CYP7B1: variants seen among roughly 807,000 people sequenced by gnomAD.
CYP7B1 encodes cytochrome P450 family 7 subfamily B member 1, also known as cytochrome P450 7B1.
Under a neutral mutation model 42.7 loss-of-function variants are expected in CYP7B1, and 29 were observed. That is an observed-to-expected ratio of 0.68 (90% CI 0.51 to 0.93). CYP7B1 has a LOEUF of 0.93. Ranked by LOEUF, CYP7B1 falls within the 40% of genes least tolerant of loss-of-function variation. The pLI is 0.00. For missense variants in CYP7B1, 655 were observed against 600.5 expected (o/e 1.09, Z -0.95); for synonymous variants, 235 against 218.2 (o/e 1.08, Z -0.68).
intron 4 of CYP7B1, among the ~76,000 whole-genome samples, chr8:64,606,544 C>T (rs557631561): frequency 1.8e-4 from 28 of 152,160 alleles, no homozygotes; most frequent in Admixed American, 5.2e-4. Flanking sequence ...TATAACAGTC[C>T]GAATAACATG....
intron 1 of CYP7B1, among the ~76,000 whole-genome samples, chr8:64,790,410 C>A (rs576024533): frequency 2.3e-4 from 35 of 152,250 alleles, no homozygotes; most frequent in African/African-American, 8.2e-4. Flanking sequence ...AGGAAAAAAT[C>A]TGAAACTCAT....
chr8:64,743,803 G>A (rs1807604139), intron 1 of CYP7B1, among the ~76,000 whole-genome samples: 2 of 152,098 alleles, frequency 1.3e-5, no homozygotes, highest in Non-Finnish European at 2.9e-5. Context: ...ACAAAATACA[G>A]CCCCTAATAC....
chr8:64,697,797 A>C (rs931431243), intron 1 of CYP7B1, among the ~76,000 whole-genome samples: 33 of 152,192 alleles, frequency 2.2e-4, no homozygotes, highest in Admixed American at 8.5e-4. Flanking sequence ...CCACTGATAG[A>C]AATGTCAGAA....
chr8:64,628,596 C>T (rs980180265), intron 1 of CYP7B1, among the ~76,000 whole-genome samples: 3 of 151,820 alleles, frequency 2.0e-5, no homozygotes, highest in Non-Finnish European at 4.4e-5. Flanking sequence ...TGCAGTGAGC[C>T]AAGATCGCAC....
intron 1 of CYP7B1, among the ~76,000 whole-genome samples, chr8:64,769,983 A>T (rs1382480994): frequency 6.6e-6 from 1 of 152,136 alleles, no homozygotes; most frequent in Non-Finnish European, 1.5e-5. Context: ...AGTTCTTACC[A>T]TCCTTCTTTA....
chr8:64,718,025 G>A (rs756215872), intron 1 of CYP7B1, among the ~76,000 whole-genome samples: 18 of 151,544 alleles, frequency 1.2e-4, no homozygotes, highest in Admixed American at 1.3e-4. Flanking sequence ...ATACAGTCAC[G>A]AGTTCATATA....
chr8:64,620,013 C>T (rs1805503276), intron 2 of CYP7B1, among the ~76,000 whole-genome samples: 1 of 152,016 alleles, frequency 6.6e-6, no homozygotes, highest in South Asian at 2.1e-4. Context: ...GAGACCCCAC[C>T]TCTGCAAAAA....
chr8:64,617,611 C>T (rs1417925298), intron 2 of CYP7B1, among the ~76,000 whole-genome samples: 2 of 152,006 alleles, frequency 1.3e-5, no homozygotes, highest in African/African-American at 2.4e-5. Flanking sequence ...CAGGCATAAA[C>T]TTTAGATGAT....
chr8:64,719,118 A>G (rs1393849608), intron 1 of CYP7B1, among the ~76,000 whole-genome samples: 1 of 152,238 alleles, frequency 6.6e-6, no homozygotes, highest in African/African-American at 2.4e-5. Context: ...ATTTAGAATA[A>G]TAAAAATTTG....
At chr8:64,628,944 G>A (rs752617264) in intron 1 of CYP7B1, among the ~76,000 whole-genome samples, 3 of 151,920 alleles carry the variant, frequency 2.0e-5, no homozygotes, top group South Asian at 2.1e-4. Flanking sequence ...AAAGCCCATC[G>A]CTGCCGGGCA....
intron 1 of CYP7B1, chr8:64,728,055 T>C (rs1386990798): frequency 6.6e-6 from 1 of 152,234 alleles, no homozygotes; most frequent in Non-Finnish European, 1.5e-5. Flanking sequence ...TAGCATGCAG[T>C]ACCTGCTGTG....
At chr8:64,602,604 TGAGG>T (rs1190872708) in intron 5 of CYP7B1, among the ~76,000 whole-genome samples, 3 of 152,194 alleles carry the variant, frequency 2.0e-5, no homozygotes, top group African/African-American at 7.2e-5. Flanking sequence ...TATCAACATC[TGAGG>T]CTTGATCTTC....
rs143804786 is a variant in CYP7B1, at chr8:64,677,011, C to T, written c.123-52472G>A. Among the ~76,000 whole-genome samples the T allele has an allele frequency of 8.1e-3, 1,231 of 152,038 alleles. 8 individuals are homozygous for T. Among genetic ancestry groups the T allele is most frequent in the South Asian group, 0.025 (122 of 4,822 alleles). ...GAACCGACATTTGGGGGCTTTTGTT[C>T]TAATGTAAAAGGCAACACATTATGA... On this transcript the variant is annotated intron_variant, in intron 1 of 5. Coordinates refer to ENST00000310193, the MANE Select transcript of CYP7B1 (RefSeq NM_004820.5).
chr8:64,756,981 A>T (rs1325137919), intron 1 of CYP7B1, among the ~76,000 whole-genome samples: 1 of 152,188 alleles, frequency 6.6e-6, no homozygotes, highest in Non-Finnish European at 1.5e-5. Flanking sequence ...TCCAGCACTT[A>T]TTGTGGAGAC....
At chr8:64,667,314 G>T (rs4549814) in intron 1 of CYP7B1, among the ~76,000 whole-genome samples, 75,664 of 151,878 alleles carry the variant, frequency 0.5, 20,214 homozygotes, top group Non-Finnish European at 0.58. Flanking sequence ...TCCCTCGGGG[G>T]GCTCATCCAC....
At chr8:64,762,974 C>T (rs1807911652) in intron 1 of CYP7B1, among the ~76,000 whole-genome samples, 1 of 151,972 alleles carries the variant, frequency 6.6e-6, no homozygotes, top group South Asian at 2.1e-4. Flanking sequence ...CCTTTGGGTC[C>T]CCTCCCACTG....
chr8:64,624,683 T>C (rs975905347), intron 1 of CYP7B1, 144 bp from the exon 2 acceptor site: 26 of 962,330 alleles, frequency 2.7e-5, no homozygotes, highest in Non-Finnish European at 3.4e-5. Context: ...GTGATTCTTA[T>C]ATAATCATAG....
At chr8:64,692,199 C>A (rs914327977) in intron 1 of CYP7B1, among the ~76,000 whole-genome samples, 3 of 152,182 alleles carry the variant, frequency 2.0e-5, no homozygotes, top group Non-Finnish European at 4.4e-5. Context: ...ATCAATGTTA[C>A]CTCCATGTCA....
In CYP7B1 at chr8:64,616,297, G is replaced by T; in HGVS notation, c.260-16C>A. On this transcript the variant is annotated splice_polypyrimidine_tract_variant and intron_variant, in intron 2 of 5. Coordinates refer to ENST00000310193, the MANE Select transcript of CYP7B1 (RefSeq NM_004820.5). The stretch of plus-strand genomic sequence containing the variant: ...ATGTACTTTCCTAGAAAAAAAAAAA[G>T]AGAGAGAAAATATGAGTTCGTTTGT... 2 of 1,300,430 alleles carry T rather than the reference G, an allele frequency of 1.5e-6. No homozygotes were observed. Among genetic ancestry groups the T allele is most frequent in the East Asian group, 2.4e-5 (1 of 42,428 alleles). 80.6% of individuals were successfully genotyped at this position (1,300,430 alleles called of 1,614,324 possible).
Sources: allele counts gnomAD v4.1 joint callset (sites outside exome capture counted in the v4.1 genomes callset), GRCh38; gene constraint gnomAD v4.1.1; transcripts MANE v1.5; gene names NCBI Gene and HGNC (gene_info 2026-07-23, HGNC 2026-07-21).